The following EYA1 variants were observed in gnomAD, a reference collection of about 807,000 sequenced individuals.
EYA1 encodes the protein protein phosphatase EYA1.
In EYA1, 16 loss-of-function variants were observed where a neutral mutation model predicts 82.0. That is an observed-to-expected ratio of 0.20 (90% CI 0.13 to 0.30). The LOEUF is 0.30. Among genes scored for constraint, EYA1 ranks in the 10% least tolerant of loss-of-function variants. EYA1 has a pLI of 1.00. For missense variants in EYA1, 633 were observed against 730.7 expected (o/e 0.87, Z 1.54); for synonymous variants, 261 against 264.4 (o/e 0.99, Z 0.12).
Position 71,317,534 on chromosome 8 carries a change from C to T in EYA1, c.556+18G>A. ...CAACCTACAGGGTTAAGGAAAATAG[C>T]AATGTGTATATACAGACCTTGCATC... On this transcript the variant is annotated intron_variant, in intron 7 of 17. Transcript: ENST00000340726. The T allele has an allele frequency of 6.2e-7, 1 of 1,613,680 alleles. No homozygotes were observed. The highest frequency in any genetic ancestry group is 1.3e-5 in the African/African-American group (1 of 74,996).
At chr8:71,377,032 C>T (rs1426969801) in intron 2 of EYA1, among the ~76,000 whole-genome samples, 1 of 152,142 alleles carries the variant, frequency 6.6e-6, no homozygotes, top group African/African-American at 2.4e-5. Flanking sequence ...CAACCTCTTA[C>T]CCATCACTGT....
intron 3 of EYA1, among the ~76,000 whole-genome samples, chr8:71,352,525 T>G (rs1226217079): frequency 1.3e-5 from 2 of 152,170 alleles, no homozygotes; most frequent in African/African-American, 4.8e-5. Flanking sequence ...CCACCATGCT[T>G]GTAAAGTACA....
At chr8:71,488,528 C>G (rs1563665865) in intron 2 of EYA1, among the ~76,000 whole-genome samples, 1 of 152,110 alleles carries the variant, frequency 6.6e-6, no homozygotes, top group Non-Finnish European at 1.5e-5. Flanking sequence ...CACTTAGAAG[C>G]ACAGCCGATC....
intron 2 of EYA1, among the ~76,000 whole-genome samples, chr8:71,452,594 C>CA (rs2129181375): frequency 6.6e-6 from 1 of 152,280 alleles, no homozygotes; most frequent in African/African-American, 2.4e-5. Context: ...GATCAGGCAG[C>CA]AACAGTTGAT....
chr8:71,258,083 G>C (rs1290789023), intron 11 of EYA1, among the ~76,000 whole-genome samples: 1 of 152,040 alleles, frequency 6.6e-6, no homozygotes, highest in Non-Finnish European at 1.5e-5. Flanking sequence ...ATTTAGAGTG[G>C]CATTAGTTTA....
intron 2 of EYA1, among the ~76,000 whole-genome samples, chr8:71,447,872 T>C (rs1401734685): frequency 6.6e-6 from 1 of 152,170 alleles, no homozygotes; most frequent in Non-Finnish European, 1.5e-5. Flanking sequence ...TACTGACTGA[T>C]CAGGATGGAG....
intron 4 of EYA1, among the ~76,000 whole-genome samples, chr8:71,329,256 C>T (rs1823527206): frequency 6.6e-6 from 1 of 152,130 alleles, no homozygotes; most frequent in Admixed American, 6.6e-5. Context: ...ACGGTATTAG[C>T]CCCTACCTTC....
intron 4 of EYA1, among the ~76,000 whole-genome samples, chr8:71,331,743 A>T (rs1273546312): frequency 6.6e-6 from 1 of 152,176 alleles, no homozygotes; most frequent in Non-Finnish European, 1.5e-5. Flanking sequence ...GACACGTTTT[A>T]AAAATAATTC....
At chr8:71,302,446 C>G (rs1432694616) in intron 7 of EYA1, among the ~76,000 whole-genome samples, 1 of 152,052 alleles carries the variant, frequency 6.6e-6, no homozygotes, top group African/African-American at 2.4e-5. Context: ...AGACTAAATG[C>G]TACTTCCAAG....
At chr8:71,301,437 C>G (rs1053708220) in intron 7 of EYA1, among the ~76,000 whole-genome samples, 9 of 152,178 alleles carry the variant, frequency 5.9e-5, no homozygotes, top group Non-Finnish European at 1.3e-4. Flanking sequence ...GTAAAATTCT[C>G]TATTTACGTA....
chr8:71,238,552 T>C (rs1395154048), intron 12 of EYA1, among the ~76,000 whole-genome samples: 1 of 152,134 alleles, frequency 6.6e-6, no homozygotes, highest in Non-Finnish European at 1.5e-5. Context: ...TCTTATAAGG[T>C]TTCTTCCTAA....
At chr8:71,502,800 C>A (rs1410099259) in intron 2 of EYA1, among the ~76,000 whole-genome samples, 1 of 152,188 alleles carries the variant, frequency 6.6e-6, no homozygotes, top group Admixed American at 6.5e-5. Flanking sequence ...AACAACTCTG[C>A]TACAATCTTG....
chr8:71,520,641 T>C (rs924244709), intron 2 of EYA1, among the ~76,000 whole-genome samples: 1 of 152,102 alleles, frequency 6.6e-6, no homozygotes, highest in African/African-American at 2.4e-5. Context: ...GAGAAAGAGA[T>C]GAAGAACACT....
chr8:71,268,133 T>C (rs1359667386), intron 11 of EYA1, among the ~76,000 whole-genome samples: 1 of 152,214 alleles, frequency 6.6e-6, no homozygotes, highest in Non-Finnish European at 1.5e-5. Flanking sequence ...TCCTTAACTC[T>C]AAGCTGGTCT....
chr8:71,209,158 T>C (rs1808202548), intron 17 of EYA1, among the ~76,000 whole-genome samples: 1 of 152,034 alleles, frequency 6.6e-6, no homozygotes, highest in African/African-American at 2.4e-5. Flanking sequence ...ACTAGGAGGG[T>C]CCTGAATAGG....
Position 71,336,216 on chromosome 8 carries a change from A to G in EYA1, c.125-2042T>C, listed in dbSNP as rs535969445. ...GCTTGAAGAAATAGTAATAAGTGGG[A>G]CTTTCCAATAGTACAAGCTACTCCA... On this transcript the variant is annotated intron_variant, in intron 3 of 17. Transcript: ENST00000340726. Among the ~76,000 whole-genome samples, 237 of 152,280 alleles carry G rather than the reference A, an allele frequency of 1.6e-3. 1 individual carries two copies. The highest frequency in any genetic ancestry group is 4.1e-3 in the Admixed American group (63 of 15,296).
chr8:71,518,325 C>T (rs1289314448), intron 2 of EYA1, among the ~76,000 whole-genome samples: 3 of 152,116 alleles, frequency 2.0e-5, no homozygotes, highest in Non-Finnish European at 4.4e-5. Flanking sequence ...CCCAGTAAAC[C>T]ATCACTTAAA....
chr8:71,507,925 CT>C (rs1220203667), intron 2 of EYA1, among the ~76,000 whole-genome samples: 2 of 152,190 alleles, frequency 1.3e-5, no homozygotes, highest in Non-Finnish European at 2.9e-5. Flanking sequence ...TACCCTATGC[CT>C]TTTAAGTTAA....
At chr8:71,216,159 A>G (rs56175251) in intron 14 of EYA1, among the ~76,000 whole-genome samples, 19,626 of 152,190 alleles carry the variant, frequency 0.13, 2,269 homozygotes, top group East Asian at 0.57. Flanking sequence ...ACTGACCTAG[A>G]AAGGCCTTTA....
Sources: allele counts gnomAD v4.1 joint callset (sites outside exome capture counted in the v4.1 genomes callset), GRCh38; gene constraint gnomAD v4.1.1; transcripts MANE v1.5; gene names NCBI Gene and HGNC (gene_info 2026-07-23, HGNC 2026-07-21).